The following NHS variants were observed in gnomAD, a reference collection of about 807,000 sequenced individuals.
The protein encoded by NHS is NHS actin remodeling regulator, also known as actin remodeling regulator NHS.
In NHS, 5 loss-of-function variants were observed where a neutral mutation model predicts 72.5. The observed-to-expected ratio is 0.07, with a 90% CI of 0.04 to 0.14. NHS has a LOEUF of 0.14. Ranked by LOEUF, NHS falls within the 10% of genes least tolerant of loss-of-function variation. The pLI is 1.00. For synonymous variants in NHS, 464 were observed against 547.7 expected (o/e 0.85, Z 2.13); for missense variants, 1,072 against 1,355.7 (o/e 0.79, Z 3.29).
intron 1 of NHS, among the ~76,000 whole-genome samples, chrX:17,672,383 C>G (rs1288978103): frequency 2.7e-5 from 3 of 112,292 alleles, no homozygotes; most frequent in African/African-American, 9.7e-5. Context: ...ATGGGCCAGG[C>G]TGGAAGTGGT....
In NHS at chrX:17,433,108, C is replaced by A. The variant is rs1162802295; in HGVS notation, c.565+56786C>A. Among the ~76,000 whole-genome samples the A allele has an allele frequency of 2.8e-5, 3 of 108,788 alleles. No homozygotes were observed. In the South Asian group the frequency reaches 1.2e-3, roughly 45 times the overall value. The allele number at this position is 108,788 out of a possible 115,157, so 94.5% of individuals were successfully genotyped here. A position where few individuals can be genotyped will look rare whatever the true frequency, so the allele number is the denominator to read the frequency against. On this transcript the variant is annotated intron_variant, in intron 1 of 8. Coordinates refer to ENST00000676302, the MANE Select transcript of NHS (RefSeq NM_001291867.2). ...TCAGTGGCGCAATCTCGGCTCACTG[C>A]AAGCTCTCCCTCCCAGGTTCACGCC...
At chrX:17,608,725 G>T (rs768156471) in intron 1 of NHS, among the ~76,000 whole-genome samples, 1 of 109,436 alleles carries the variant, frequency 9.1e-6, no homozygotes, top group South Asian at 4.0e-4. Flanking sequence ...AGCCCTTGTC[G>T]CTACAAAGCA....
At chrX:17,632,877 T>C (rs1033859611) in intron 1 of NHS, among the ~76,000 whole-genome samples, 1 of 112,246 alleles carries the variant, frequency 8.9e-6, no homozygotes, top group Non-Finnish European at 1.9e-5. Context: ...GAAATGCTAT[T>C]CCTTATTAGG....
At chrX:17,380,555 G>A (rs2146838225) in intron 1 of NHS, among the ~76,000 whole-genome samples, 1 of 110,578 alleles carries the variant, frequency 9.0e-6, no homozygotes, top group South Asian at 3.9e-4. Context: ...GTTTCGCCAT[G>A]TTACCCGGGG....
intron 1 of NHS, among the ~76,000 whole-genome samples, chrX:17,524,588 T>G (rs770499313): frequency 8.9e-6 from 1 of 111,997 alleles, no homozygotes; most frequent in Non-Finnish European, 1.9e-5. Context: ...TATAGAATGT[T>G]CCTTAATTTT....
intron 1 of NHS, among the ~76,000 whole-genome samples, chrX:17,601,626 A>G (rs759873948): frequency 9.0e-6 from 1 of 111,719 alleles, no homozygotes; most frequent in Non-Finnish European, 1.9e-5. Context: ...AGATGTTTCT[A>G]TGGTGTCCTA....
chrX:17,496,053 G>A (rs1315108848), intron 1 of NHS, among the ~76,000 whole-genome samples: 2 of 111,000 alleles, frequency 1.8e-5, no homozygotes, highest in Non-Finnish European at 3.8e-5. Context: ...AGAGGGAAGG[G>A]AGGAAATACC....
At chrX:17,645,718 T>C (rs946741327) in intron 1 of NHS, among the ~76,000 whole-genome samples, 1 of 112,175 alleles carries the variant, frequency 8.9e-6, no homozygotes, top group Admixed American at 9.4e-5. Context: ...TACATCTCTG[T>C]GATCCCAAAA....
intron 1 of NHS, among the ~76,000 whole-genome samples, chrX:17,612,082 C>A (rs1247672530): frequency 9.4e-6 from 1 of 106,456 alleles, no homozygotes; most frequent in Non-Finnish European, 1.9e-5. Flanking sequence ...AAGTTTCAAA[C>A]AGCACAGTTT....
intron 3 of NHS, among the ~76,000 whole-genome samples, chrX:17,696,862 T>C (rs1240611542): frequency 9.0e-6 from 1 of 111,190 alleles, no homozygotes; most frequent in Non-Finnish European, 1.9e-5. Flanking sequence ...TTCCCAAACA[T>C]CAAATTGACT....
intron 1 of NHS, among the ~76,000 whole-genome samples, chrX:17,536,430 T>A (rs1427670871): frequency 4.4e-5 from 5 of 112,754 alleles, no homozygotes; most frequent in Admixed American, 1.9e-4. Context: ...CCAAAAGCAC[T>A]GGCTCTTTCT....
At chrX:17,400,868 C>A (rs2064500067) in intron 1 of NHS, among the ~76,000 whole-genome samples, 1 of 111,495 alleles carries the variant, frequency 9.0e-6, no homozygotes, top group African/African-American at 3.3e-5. Flanking sequence ...GACTTTTTTG[C>A]AGTAATTGAC....
At chrX:17,668,653 A>G (rs896701524) in intron 1 of NHS, among the ~76,000 whole-genome samples, 9 of 111,023 alleles carry the variant, frequency 8.1e-5, no homozygotes, top group Non-Finnish European at 1.1e-4. Context: ...CCTAACTACT[A>G]TCTTAGTTTG....
chrX:17,697,312 C>T (rs755066935), intron 3 of NHS, among the ~76,000 whole-genome samples: 2 of 111,465 alleles, frequency 1.8e-5, no homozygotes, highest in Non-Finnish European at 1.9e-5. Flanking sequence ...CAAACAAATA[C>T]ACTAAAATAT....
chrX:17,635,418 T>C, intron 1 of NHS: 3 of 1,162,350 alleles, frequency 2.6e-6, no homozygotes, highest in Non-Finnish European at 3.4e-6. Context: ...TCTGCCATCC[T>C]CCTTGCAGAA....
intron 1 of NHS, among the ~76,000 whole-genome samples, chrX:17,436,064 AG>A (rs1369206912): frequency 8.9e-6 from 1 of 112,606 alleles, no homozygotes; most frequent in African/African-American, 3.2e-5. Flanking sequence ...TTATTTAGAA[AG>A]CATGAAACCA....
At chrX:17,716,479 C>G (rs2066364745) in intron 3 of NHS, among the ~76,000 whole-genome samples, 1 of 111,320 alleles carries the variant, frequency 9.0e-6, no homozygotes. Flanking sequence ...TGAGTTTTCT[C>G]TCTCATTTAC....
intron 1 of NHS, among the ~76,000 whole-genome samples, chrX:17,467,810 G>A: frequency 9.0e-6 from 1 of 111,393 alleles, no homozygotes; most frequent in African/African-American, 3.3e-5. Context: ...TGGTATGTAG[G>A]TGAAACTGGG....
intron 1 of NHS, among the ~76,000 whole-genome samples, chrX:17,581,620 T>G (rs957626127): frequency 6.3e-5 from 7 of 111,986 alleles, no homozygotes; most frequent in Non-Finnish European, 1.3e-4. Flanking sequence ...ATAAGGCTGC[T>G]GCAGCTGGTT....
Sources: allele counts gnomAD v4.1 joint callset (sites outside exome capture counted in the v4.1 genomes callset), GRCh38; gene constraint gnomAD v4.1.1; transcripts MANE v1.5; gene names NCBI Gene and HGNC (gene_info 2026-07-23, HGNC 2026-07-21).